Variants in DDX6 observed in about 807,000 individuals in gnomAD.
The protein encoded by DDX6 is probable ATP-dependent RNA helicase DDX6.
DDX6 carries 7 observed loss-of-function variants against 60.6 expected under a neutral mutation model. The observed-to-expected ratio is 0.12, with a 90% CI of 0.07 to 0.22. The LOEUF (loss-of-function observed/expected upper bound fraction) is 0.22, where lower values mean the gene tolerates loss of function less well. DDX6 is among the 10% of genes least tolerant of loss of function. The pLI, the probability that DDX6 is intolerant of heterozygous loss-of-function variation, is 1.00. For synonymous variants in DDX6, 207 were observed against 201.0 expected (o/e 1.03, Z -0.25); for missense variants, 270 against 589.9 (o/e 0.46, Z 5.62).
At chr11:118,788,491 G>C (rs1173669649) in intron 1 of DDX6, 2 of 151,826 alleles carry the variant, frequency 1.3e-5, no homozygotes, top group Non-Finnish European at 2.9e-5. Context: ...TCCGCCTCCT[G>C]GGTTCACGCC....
chr11:118,773,898 C>CT (rs1389732969), intron 4 of DDX6, among the ~76,000 whole-genome samples: 2 of 151,788 alleles, frequency 1.3e-5, no homozygotes, highest in Non-Finnish European at 2.9e-5. Flanking sequence ...CAAAAAAAAC[C>CT]TTTGAGTTTT....
At position 118,768,987 on chromosome 11, in the gene DDX6, C is replaced by CAA. The variant is rs782136763; in HGVS notation, c.370-637_370-636dup. ...GCATGAAAGAGACCTCGTCTCATCT[C>CAA]AAAAAAAAAAAAAAAAAAAAAAGGC... is the stretch of plus-strand genomic sequence containing the variant. On this transcript the variant is annotated intron_variant, in intron 4 of 13. Coordinates refer to ENST00000534980, the MANE Select transcript of DDX6 (RefSeq NM_004397.6). Among the ~76,000 whole-genome samples, 260 of 39,956 alleles carry CAA rather than the reference C, an allele frequency of 6.5e-3. 28 individuals carry two copies. In the East Asian group the frequency reaches 0.11, roughly 17 times the overall value. 26.2% of individuals were successfully genotyped at this position (39,956 alleles called of 152,430 possible). A position where few individuals can be genotyped will look rare whatever the true frequency, so the allele number is the denominator to read the frequency against.
At chr11:118,763,425 T>TACCATCACATA in intron 6 of DDX6, 119 bp from the exon 7 acceptor site, 4 of 770,360 alleles carry the variant, frequency 5.2e-6, no homozygotes, top group Non-Finnish European at 8.8e-6. Context: ...TGCATTGCTA[T>TACCATCACATA]GTGATGGTAT....
chr11:118,760,823 C>CA (rs544626778), intron 7 of DDX6, among the ~76,000 whole-genome samples: 17,573 of 56,188 alleles, frequency 0.31, 2,132 homozygotes, highest in Middle Eastern at 0.38. Flanking sequence ...TACTCCGTCT[C>CA]AAAAAAAAAA....
upstream of DDX6, chr11:118,791,282 G>A (rs995508412): frequency 6.6e-6 from 1 of 151,990 alleles, no homozygotes; most frequent in African/African-American, 2.4e-5. Flanking sequence ...CTCGGCCGCC[G>A]CGGCTATATT....
intron 5 of DDX6, among the ~76,000 whole-genome samples, chr11:118,767,114 T>C (rs1555161403): frequency 6.6e-6 from 1 of 151,776 alleles, no homozygotes. Flanking sequence ...CTTGAACTCC[T>C]GACCTCAGGT....
chr11:118,757,079 T>C (rs1315636730), intron 10 of DDX6, 92 bp downstream of exon 10: 4 of 688,638 alleles, frequency 5.8e-6, no homozygotes, highest in South Asian at 6.5e-5. Context: ...GAACAGTTTA[T>C]TCTTAAACTC....
intron 1 of DDX6, 124 bp downstream of exon 1, chr11:118,790,974 A>T (rs1297357297): frequency 6.7e-6 from 1 of 149,888 alleles, no homozygotes; most frequent in Non-Finnish European, 1.5e-5. Context: ...CTCCTCGGAA[A>T]CCTCCGCCCG....
rs1469926457 is a variant in DDX6 at position 118,750,432 on chromosome 11, C to T, written c.*1673G>A. On this transcript the variant is annotated 3_prime_UTR_variant, in exon 14 of 14. Transcript: ENST00000534980. ...ACAGGTAACAATTCTTGTCACAATG[C>T]AAGAGAATGGCAAGCAGCTTTCTGT... The T allele has an allele frequency of 6.6e-6, 1 of 152,094 alleles. No homozygotes were observed. Among genetic ancestry groups the T allele is most frequent in the Non-Finnish European group, 1.5e-5 (1 of 68,014 alleles). 9.4% of individuals were successfully genotyped at this position (152,094 alleles called of 1,614,324 possible). A position where few individuals can be genotyped will look rare whatever the true frequency, so the allele number is the denominator to read the frequency against.
chr11:118,750,457 T>G lies in DDX6; in HGVS notation c.*1648A>C, dbSNP rs138558622. The G allele has an allele frequency of 6.6e-6, 1 of 152,160 alleles. No individual in the cohort carries two copies. Among genetic ancestry groups the G allele is most frequent in the Non-Finnish European group, 1.5e-5 (1 of 68,030 alleles). The allele number at this position is 152,160 out of a possible 1,614,324, so 9.4% of individuals were successfully genotyped here. ...CAAGAGAATGGCAAGCAGCTTTCTG[T>G]AGCATGAAAGTTAACAGCTCTCAGG... is the stretch of plus-strand genomic sequence containing the variant. On this transcript the variant is annotated 3_prime_UTR_variant, in exon 14 of 14. Transcript: ENST00000534980.
chr11:118,784,400 TCAGTAACC>T (rs1170754322), intron 2 of DDX6, among the ~76,000 whole-genome samples: 1 of 152,080 alleles, frequency 6.6e-6, no homozygotes, highest in Non-Finnish European at 1.5e-5. Flanking sequence ...ATACCTCAGT[TCAGTAACC>T]CAGTGTCAAC....
At chr11:118,758,518 C>T (rs1280201166) in intron 9 of DDX6, among the ~76,000 whole-genome samples, 1 of 152,054 alleles carries the variant, frequency 6.6e-6, no homozygotes, top group Non-Finnish European at 1.5e-5. Context: ...GGATTATGGG[C>T]ACACGCCACC....
intron 6 of DDX6, 141 bp downstream of exon 6, chr11:118,765,068 G>C (rs575475568): frequency 2.1e-4 from 192 of 916,098 alleles, no homozygotes; most frequent in Middle Eastern, 7.3e-4. Flanking sequence ...TGTCTTTTTC[G>C]CTTGAATGCA....
intron 4 of DDX6, among the ~76,000 whole-genome samples, chr11:118,773,138 T>C (rs1043283479): frequency 6.6e-5 from 10 of 152,194 alleles, no homozygotes; most frequent in African/African-American, 2.4e-4. Flanking sequence ...GAATGGTTTA[T>C]TTTCCAATCT....
intron 12 of DDX6, among the ~76,000 whole-genome samples, chr11:118,755,187 G>T (rs755356883): frequency 3.9e-5 from 6 of 152,174 alleles, no homozygotes; most frequent in Non-Finnish European, 8.8e-5. Flanking sequence ...AAGTTCTCAT[G>T]TGTTAATTTC....
chr11:118,780,596 C>CAAG (rs782039917), intron 3 of DDX6, among the ~76,000 whole-genome samples: 4 of 152,188 alleles, frequency 2.6e-5, no homozygotes, highest in Non-Finnish European at 5.9e-5. Context: ...GGAATACAGG[C>CAAG]AAGAGCCACT....
At chr11:118,789,584 T>A (rs1246659519) in intron 1 of DDX6, 1 of 152,222 alleles carries the variant, frequency 6.6e-6, no homozygotes, top group Non-Finnish European at 1.5e-5. Context: ...CAAAGCTGTT[T>A]ACTTCAGACT....
At chr11:118,781,053 C>A in intron 3 of DDX6, 68 bp downstream of exon 3, 1 of 1,072,590 alleles carries the variant, frequency 9.3e-7, no homozygotes, top group Non-Finnish European at 1.4e-6. Flanking sequence ...CTCCAGATAC[C>A]GAGGGACAGC....
At chr11:118,790,031 A>G (rs1031847466) in intron 1 of DDX6, 2 of 152,236 alleles carry the variant, frequency 1.3e-5, no homozygotes, top group African/African-American at 4.8e-5. Context: ...AGCAATTGAC[A>G]GTTTCACACC....
Sources: gnomAD v4.1 joint callset for allele counts (sites outside exome capture counted in the v4.1 genomes callset) on GRCh38, gnomAD v4.1.1 for gene constraint, MANE v1.5 for transcripts, NCBI Gene and HGNC (gene_info 2026-07-23, HGNC 2026-07-21) for gene names.